CACNB2: variants seen among roughly 807,000 people sequenced by gnomAD.
CACNB2 encodes calcium voltage-gated channel auxiliary subunit beta 2, also known as voltage-dependent L-type calcium channel subunit beta-2.
Under a neutral mutation model 73.3 loss-of-function variants are expected in CACNB2, and 42 were observed. The ratio of observed to expected loss-of-function variants is 0.57; its 90% CI spans 0.45 to 0.74. The LOEUF (loss-of-function observed/expected upper bound fraction) is 0.74, where lower values mean the gene tolerates loss of function less well. Among genes scored for constraint, CACNB2 ranks in the 30% least tolerant of loss-of-function variants. CACNB2 has a pLI of 0.00. For missense variants in CACNB2, 940 were observed against 853.0 expected (o/e 1.10, Z -1.27); for synonymous variants, 348 against 310.3 (o/e 1.12, Z -1.28).
chr10:18,352,836 CAT>C (rs2041766057), intron 2 of CACNB2, among the ~76,000 whole-genome samples: 1 of 152,080 alleles, frequency 6.6e-6, no homozygotes, highest in Non-Finnish European at 1.5e-5. Flanking sequence ...AATGAAGGAA[CAT>C]ATATGTTTGT....
At chr10:18,404,763 A>G (rs1283630495) in intron 3 of CACNB2, among the ~76,000 whole-genome samples, 1 of 152,210 alleles carries the variant, frequency 6.6e-6, no homozygotes, top group African/African-American at 2.4e-5. Flanking sequence ...AAGTGAGACT[A>G]GAGATACTGT....
chr10:18,419,942 G>T (rs538700046), intron 3 of CACNB2, among the ~76,000 whole-genome samples: 1 of 152,292 alleles, frequency 6.6e-6, no homozygotes, highest in Admixed American at 6.5e-5. Context: ...ATTAAACTAA[G>T]AATGTTTTTT....
intron 3 of CACNB2, among the ~76,000 whole-genome samples, chr10:18,476,303 C>T (rs1198399479): frequency 1.3e-5 from 2 of 152,004 alleles, no homozygotes; most frequent in African/African-American, 4.8e-5. Context: ...GCGTCTTCAA[C>T]AAAGAATTGG....
At chr10:18,429,882 G>T (rs915957256) in intron 3 of CACNB2, among the ~76,000 whole-genome samples, 1 of 151,900 alleles carries the variant, frequency 6.6e-6, no homozygotes, top group African/African-American at 2.4e-5. Context: ...AGGAGGCTGG[G>T]GTGGGAAGAT....
intron 3 of CACNB2, among the ~76,000 whole-genome samples, chr10:18,474,311 C>T (rs957392343): frequency 2.0e-5 from 3 of 152,142 alleles, no homozygotes; most frequent in Non-Finnish European, 4.4e-5. Context: ...TGGAATCTGG[C>T]TCAACGGTCA....
Position 18,234,447 on chromosome 10 carries a change from C to G in CACNB2, c.213+83472C>G, listed in dbSNP as rs1397781328. ...GAGAGAGAGATTTGTACAGCCATAA[C>G]CTAGCAGCATTATTCACAATAGCCA... On this transcript the variant is annotated intron_variant, in intron 2 of 13. Coordinates refer to ENST00000324631, the MANE Select transcript of CACNB2 (RefSeq NM_201596.3). Among the ~76,000 whole-genome samples, 3 of 152,104 alleles carry G rather than the reference C, an allele frequency of 2.0e-5. No homozygotes were observed. In the East Asian group the frequency reaches 5.8e-4, roughly 29 times the overall value.
intron 2 of CACNB2, among the ~76,000 whole-genome samples, chr10:18,212,363 GT>G (rs35921882): frequency 0.71 from 107,213 of 151,814 alleles, 38,318 homozygotes; most frequent in Non-Finnish European, 0.77. Context: ...CATATATTGT[GT>G]TTTTTTGCTT....
At chr10:18,337,345 G>T (rs571771079) in intron 2 of CACNB2, among the ~76,000 whole-genome samples, 1 of 152,162 alleles carries the variant, frequency 6.6e-6, no homozygotes, top group South Asian at 2.1e-4. Flanking sequence ...CAAGTGATCC[G>T]TCCATCTCAG....
At chr10:18,438,887 A>G (rs2046281230) in intron 3 of CACNB2, among the ~76,000 whole-genome samples, 2 of 152,208 alleles carry the variant, frequency 1.3e-5, no homozygotes, top group African/African-American at 4.8e-5. Context: ...TGAGTGTGCT[A>G]TAAATACAGC....
At chr10:18,184,578 C>T (rs2034052367) in intron 2 of CACNB2, among the ~76,000 whole-genome samples, 1 of 150,572 alleles carries the variant, frequency 6.6e-6, no homozygotes, top group Non-Finnish European at 1.5e-5. Context: ...GGACCCTATC[C>T]TAAATGTCAC....
intron 2 of CACNB2, among the ~76,000 whole-genome samples, chr10:18,316,088 C>A (rs905766857): frequency 6.6e-6 from 1 of 152,166 alleles, no homozygotes; most frequent in Non-Finnish European, 1.5e-5. Flanking sequence ...AACAGTCAGG[C>A]AGGCCAGCTC....
intron 3 of CACNB2, among the ~76,000 whole-genome samples, chr10:18,462,365 C>A (rs1429116763): frequency 6.6e-6 from 1 of 152,086 alleles, no homozygotes; most frequent in Non-Finnish European, 1.5e-5. Flanking sequence ...AGCGATCCTC[C>A]CACCTAGTCT....
intron 3 of CACNB2, among the ~76,000 whole-genome samples, chr10:18,486,004 A>G (rs757405835): frequency 2.0e-5 from 3 of 151,742 alleles, no homozygotes; most frequent in African/African-American, 4.8e-5. Flanking sequence ...AAAACAAACT[A>G]TGAATTTTCC....
At chr10:18,150,855 C>CTTTTTTTTG in intron 1 of CACNB2, 28 bp from the exon 2 acceptor site, 2 of 483,392 alleles carry the variant, frequency 4.1e-6, no homozygotes, top group South Asian at 5.5e-5. Context: ...TCTTATTTGT[C>CTTTTTTTTG]TTTTTTTTTT....
chr10:18,362,450 G>T (rs1164798504), intron 2 of CACNB2, among the ~76,000 whole-genome samples: 3 of 151,940 alleles, frequency 2.0e-5, no homozygotes, highest in Non-Finnish European at 4.4e-5. Context: ...TTTCCTCCTT[G>T]TTTTTTTCCC....
intron 3 of CACNB2, among the ~76,000 whole-genome samples, chr10:18,430,065 T>C (rs995645803): frequency 2.6e-5 from 4 of 152,112 alleles, no homozygotes; most frequent in Non-Finnish European, 5.9e-5. Flanking sequence ...TTATTTTATC[T>C]GAATTTTGGT....
chr10:18,184,104 G>C (rs2034028081), intron 2 of CACNB2, among the ~76,000 whole-genome samples: 1 of 152,210 alleles, frequency 6.6e-6, no homozygotes, highest in Non-Finnish European at 1.5e-5. Context: ...TTTTAGGAAA[G>C]TATGGATTTA....
At chr10:18,157,003 A>G (rs1313724532) in intron 2 of CACNB2, among the ~76,000 whole-genome samples, 1 of 151,278 alleles carries the variant, frequency 6.6e-6, no homozygotes, top group Non-Finnish European at 1.5e-5. Flanking sequence ...AGATTGCGCC[A>G]TTGCACTCAG....
chr10:18,327,761 C>T (rs2040641922), intron 2 of CACNB2, among the ~76,000 whole-genome samples: 1 of 152,116 alleles, frequency 6.6e-6, no homozygotes, highest in Admixed American at 6.6e-5. Context: ...CATTTATACC[C>T]TGTATTCTGC....
Sources: gnomAD v4.1 joint callset for allele counts (sites outside exome capture counted in the v4.1 genomes callset) on GRCh38, gnomAD v4.1.1 for gene constraint, MANE v1.5 for transcripts, NCBI Gene and HGNC (gene_info 2026-07-23, HGNC 2026-07-21) for gene names.